TREM1: variants seen among roughly 807,000 people sequenced by gnomAD.
TREM1 encodes triggering receptor expressed on myeloid cells 1.
TREM1 carries 16 observed loss-of-function variants against 22.4 expected under a neutral mutation model. That is an observed-to-expected ratio of 0.71 (90% CI 0.48 to 1.08). The LOEUF is 1.08. Among genes scored for constraint, TREM1 ranks in the 50% least tolerant of loss-of-function variants. TREM1 has a pLI of 0.00. For synonymous variants in TREM1, 110 were observed against 111.6 expected (o/e 0.99, Z 0.09); for missense variants, 283 against 282.9 (o/e 1.00, Z 0.00).
At chr6:41,269,247 C>G (rs1203180218), downstream of TREM1, among the ~76,000 whole-genome samples, 1 of 152,146 alleles carries the variant, frequency 6.6e-6, no homozygotes, top group Non-Finnish European at 1.5e-5. Context: ...GGGGAATTGG[C>G]AGTGTTTCCA....
rs1767604125 is a variant in TREM1 at position 41,274,863 on chromosome 6, G to T, written c.*1262C>A. On this transcript the variant is annotated 3_prime_UTR_variant, in exon 4 of 4. Coordinates refer to ENST00000244709, the MANE Select transcript of TREM1 (RefSeq NM_018643.5). ...ACATTTACCTAACATGAGACACACG[G>T]TATGTGTGGAAAAGTATGATTGCTC... Among the ~76,000 whole-genome samples, 1 of 152,170 alleles carries T rather than the reference G, an allele frequency of 6.6e-6. No individual in the cohort carries two copies. Among genetic ancestry groups the T allele is most frequent in the East Asian group, 1.9e-4 (1 of 5,190 alleles).
intron 1 of TREM1, 72 bp from the exon 2 acceptor site, chr6:41,282,823 G>A (rs745532452): frequency 1.6e-4 from 219 of 1,369,326 alleles, no homozygotes; most frequent in Non-Finnish European, 2.1e-4. Context: ...AAAAGGAGAG[G>A]AGCCCCCTGT....
At position 41,276,157 on chromosome 6, in the gene TREM1, A is replaced by T. The variant is rs1289905809; in HGVS notation, c.673T>A (p.Phe225Ile). The change falls in exon 4 of 4, where the codon TTT (phenylalanine) becomes ATT (isoleucine). Residue 225 changes from phenylalanine to isoleucine, a missense_variant. By Grantham distance (21) the Phe-to-Ile change is conservative (BLOSUM62 0). Coordinates refer to ENST00000244709, the MANE Select transcript of TREM1 (RefSeq NM_018643.5). ...ACAAATGACCTCAGCGTGACAGCAA[A>T]CAGGACAGAGAAGACCAGGCTCTTA... ...LSKSLVFSVL[F>I]AVTLRSFVP is the part of the protein sequence containing the mutation. 6.2e-7 allele frequency: 1 copy of T among 1,614,146 alleles called. No individual in the cohort carries two copies. The highest frequency in any genetic ancestry group is 1.3e-5 in the African/African-American group (1 of 75,026).
intron 3 of TREM1, among the ~76,000 whole-genome samples, chr6:41,278,180 C>T (rs1173805319): frequency 2.0e-5 from 3 of 151,840 alleles, no homozygotes; most frequent in Non-Finnish European, 4.4e-5. Context: ...CCCACCTCAG[C>T]CTGCCAAAGT....
intron 1 of TREM1, among the ~76,000 whole-genome samples, chr6:41,284,841 G>A (rs968823349): frequency 2.0e-5 from 3 of 152,154 alleles, no homozygotes; most frequent in African/African-American, 7.2e-5. Context: ...CAGTTCTTCT[G>A]GGAGCAGACT....
rs748482028 is a variant in TREM1 at position 41,282,537 on chromosome 6, T to C, written c.264A>G (p.Glu88=). The part of the protein sequence containing the change: ...HPVQVGRIIL[E]DYHDHGLLRV... ...GCAGTAAACCATGATCATGGTAGTC[T>C]TCTAGTATGATCCTCCCCACTTGGA... is the stretch of plus-strand genomic sequence containing the variant. The change falls in exon 2 of 4, where the codon GAA becomes GAG. Residue 88 remains glutamate, a synonymous_variant. Transcript: ENST00000244709. The C allele has an allele frequency of 1.9e-6, 3 of 1,614,198 alleles. No homozygotes were observed. Among genetic ancestry groups the C allele is most frequent in the Non-Finnish European group, 2.5e-6 (3 of 1,180,042 alleles).
chr6:41,277,026 C>G (rs1225088861), intron 3 of TREM1, among the ~76,000 whole-genome samples: 1 of 151,384 alleles, frequency 6.6e-6, no homozygotes, highest in Non-Finnish European at 1.5e-5. Flanking sequence ...CAGTTTATAG[C>G]ATGTAGCAGA....
At position 41,282,698 on chromosome 6, in the gene TREM1, G is replaced by A; in HGVS notation, c.103C>T (p.Gln35Ter). 6.2e-7 allele frequency: 1 copy of A among 1,614,086 alleles called. No individual in the cohort carries two copies. The highest frequency in any genetic ancestry group is 8.5e-7 in the Non-Finnish European group (1 of 1,179,998). Residue 35 changes from glutamine to a stop codon, truncating the protein, a stop_gained, in exon 2 of 4, where the codon CAG becomes TAG. Coordinates refer to ENST00000244709, the MANE Select transcript of TREM1 (RefSeq NM_018643.5). LOFTEE classifies it high-confidence loss of function. ...TEEKYELKEG[Q>*]TLDVKCDYTL... ...TAGTCACATTTCACATCCAGGGTCT[G>A]CCCCTCTTTCAGTTCATACTTTTCC...
intron 1 of TREM1, among the ~76,000 whole-genome samples, chr6:41,285,082 C>A (rs546540116): frequency 1.3e-5 from 2 of 152,328 alleles, no homozygotes; most frequent in South Asian, 4.1e-4. Flanking sequence ...GTTGCCACCA[C>A]TGAAGCCCTA....
In TREM1 at chr6:41,282,532, T is replaced by C; in HGVS notation, c.269A>G (p.Tyr90Cys). Residue 90 changes from tyrosine to cysteine, a missense_variant, in exon 2 of 4, where the codon TAC becomes TGC. Physicochemically the swap from Tyr to Cys is radical, Grantham distance 194. Coordinates refer to ENST00000244709, the MANE Select transcript of TREM1 (RefSeq NM_018643.5). ...GACGCGCAGTAAACCATGATCATGG[T>C]AGTCTTCTAGTATGATCCTCCCCAC... ...VQVGRIILED[Y>C]HDHGLLRVRM... 2.5e-6 allele frequency: 4 copies of C among 1,614,184 alleles called. No homozygotes were observed. The highest frequency in any genetic ancestry group is 3.4e-6 in the Non-Finnish European group (4 of 1,180,040).
In TREM1 at chr6:41,282,376, C is replaced by G; in HGVS notation, c.406+19G>C. The G allele has an allele frequency of 6.3e-7, 1 of 1,581,146 alleles. No homozygotes were observed. The highest frequency in any genetic ancestry group is 8.6e-7 in the Non-Finnish European group (1 of 1,158,250). Reference sequence around the variant, plus strand: ...TCCTCACCTGGCCCTTCTTTCCCCCCAAGTCCCAGGCCACTCACCCTTGGT... The same window carrying G: ...TCCTCACCTGGCCCTTCTTTCCCCCGAAGTCCCAGGCCACTCACCCTTGGT... On this transcript the variant is annotated intron_variant, in intron 2 of 3. Coordinates refer to ENST00000244709, the MANE Select transcript of TREM1 (RefSeq NM_018643.5).
intron 2 of TREM1, chr6:41,282,089 G>A (rs1767944093): frequency 3.2e-6 from 1 of 310,734 alleles, no homozygotes; most frequent in Non-Finnish European, 6.0e-6. Context: ...ACGCATCCTT[G>A]GGAGGGGGAG....
intron 3 of TREM1, chr6:41,279,623 A>G: frequency 1.0e-6 from 1 of 985,324 alleles, no homozygotes; most frequent in Non-Finnish European, 1.2e-6. Flanking sequence ...CACTGCCACT[A>G]CCCATATGGA....
At chr6:41,280,831 A>G in intron 3 of TREM1, 130 bp downstream of exon 3, 1 of 1,525,930 alleles carries the variant, frequency 6.6e-7, no homozygotes, top group Admixed American at 2.0e-5. Context: ...TTCTACCCAG[A>G]CTAATGTGAC....
At chr6:41,277,907 C>CTTTTTTTTTTTTTTT (rs11341322) in intron 3 of TREM1, among the ~76,000 whole-genome samples, 2 of 111,346 alleles carry the variant, frequency 1.8e-5, no homozygotes, top group Non-Finnish European at 3.6e-5. Context: ...TTCTTTTTGT[C>CTTTTTTTTTTTTTTT]TTTTTTTTTT....
intron 1 of TREM1, among the ~76,000 whole-genome samples, chr6:41,285,090 C>G (rs145375199): frequency 5.6e-4 from 86 of 152,310 alleles, no homozygotes; most frequent in African/African-American, 1.8e-3. Flanking sequence ...CACTGAAGCC[C>G]TAACCTCTGA....
downstream of TREM1, chr6:41,267,895 G>A (rs1039467127): frequency 1.0e-5 from 4 of 398,468 alleles, no homozygotes; most frequent in Admixed American, 8.8e-5. Flanking sequence ...AACACAGCAT[G>A]TTTGCATTTT....
At chr6:41,272,260 A>G (rs897760731), downstream of TREM1, among the ~76,000 whole-genome samples, 1 of 152,128 alleles carries the variant, frequency 6.6e-6, no homozygotes, top group Admixed American at 6.5e-5. Context: ...TTTCTGCACC[A>G]TGGTGAGTCT....
chr6:41,276,145 G>A lies in TREM1; in HGVS notation c.685C>T (p.Leu229=). The A allele has an allele frequency of 6.2e-7, 1 of 1,614,134 alleles. No individual in the cohort carries two copies. The highest frequency in any genetic ancestry group is 8.5e-7 in the Non-Finnish European group (1 of 1,180,000). Residue 229 remains leucine, a synonymous_variant, in exon 4 of 4, where the codon CTG becomes TTG. Transcript: ENST00000244709. ...LVFSVLFAVT[L]RSFVP is the part of the protein sequence containing the mutation. ...TGGGCCTAGGGTACAAATGACCTCAGCGTGACAGCAAACAGGACAGAGAAG... is the reference window on the plus strand; with the variant it reads ...TGGGCCTAGGGTACAAATGACCTCAACGTGACAGCAAACAGGACAGAGAAG...
Sources: allele counts gnomAD v4.1 joint callset (sites outside exome capture counted in the v4.1 genomes callset), GRCh38; gene constraint gnomAD v4.1.1; transcripts MANE v1.5; gene names NCBI Gene and HGNC (gene_info 2026-07-23, HGNC 2026-07-21).